Variants in CLTC observed in about 807,000 individuals in gnomAD.
CLTC encodes the protein clathrin heavy chain 1.
In CLTC, 16 loss-of-function variants were observed where a neutral mutation model predicts 195.8. The ratio of observed to expected loss-of-function variants is 0.08; its 90% CI spans 0.06 to 0.12. The LOEUF is 0.12. CLTC is among the 10% of genes least tolerant of loss of function. CLTC has a pLI of 1.00. For synonymous variants in CLTC, 667 were observed against 689.4 expected (o/e 0.97, Z 0.51); for missense variants, 796 against 2,027.0 (o/e 0.39, Z 11.66).
At chr17:59,668,673 A>G (rs909294831) in intron 13 of CLTC, 104 bp from the exon 14 acceptor site, 1 of 950,488 alleles carries the variant, frequency 1.1e-6, no homozygotes, top group South Asian at 2.0e-5. Flanking sequence ...CAACCAACTT[A>G]TATTTGGGAG....
intron 5 of CLTC, among the ~76,000 whole-genome samples, chr17:59,653,406 G>A (rs183625109): frequency 9.9e-5 from 15 of 151,836 alleles, no homozygotes; most frequent in Admixed American, 9.8e-4. Context: ...TGTTAGCCAG[G>A]ATGGTCTCGA....
chr17:59,640,551 C>T (rs1364405479), intron 1 of CLTC, among the ~76,000 whole-genome samples: 1 of 151,876 alleles, frequency 6.6e-6, no homozygotes, highest in Non-Finnish European at 1.5e-5. Context: ...CGTGTGCCAC[C>T]ATGGGCCCGG....
Position 59,655,854 on chromosome 17 carries a change from A to G in CLTC, c.796A>G (p.Ile266Val), listed in dbSNP as rs147849182. ...AQNDFPVAMQ[I>V]SEKHDVVFLI... is the part of the protein sequence containing the mutation. ...TAAAGTGTTGATTTTCTTTCTGTAG[A>G]TCAGTGAAAAGCATGATGTGGTGTT... The change falls in exon 6 of 32, where the codon ATC becomes GTC. Residue 266 changes from isoleucine to valine, a missense_variant and splice_region_variant. Physicochemically the swap from Ile to Val is conservative, Grantham distance 29. Around this residue, in one of 9 missense-constraint regions of CLTC, gnomAD observed 293 missense variants for 795.6 expected, o/e 0.37. Transcript: ENST00000269122. The G allele has an allele frequency of 2.6e-6, 4 of 1,551,606 alleles. No homozygotes were observed. The African/African-American group carries it at 5.6e-5, about 22-fold the overall frequency.
intron 16 of CLTC, among the ~76,000 whole-genome samples, chr17:59,675,112 T>C (rs1052510501): frequency 3.9e-5 from 6 of 152,188 alleles, no homozygotes; most frequent in Non-Finnish European, 8.8e-5. Flanking sequence ...ACTTTATATG[T>C]TTTTATATAA....
chr17:59,625,251 GGCGCGTGCTACCA>G (rs1211035620), intron 1 of CLTC, among the ~76,000 whole-genome samples: 1 of 151,862 alleles, frequency 6.6e-6, no homozygotes, highest in Admixed American at 6.6e-5. Flanking sequence ...TGGGACTACA[GGCGCGTGCTACCA>G]CGCCCAGCTA....
In CLTC at chr17:59,666,852, G is replaced by A. The variant is rs778448289; in HGVS notation, c.2003G>A (p.Arg668Lys). The A allele has an allele frequency of 1.9e-6, 3 of 1,613,902 alleles. No homozygotes were observed. The East Asian group carries it at 6.7e-5, about 36-fold the overall frequency. The change falls in exon 13 of 32, where the codon AGA (arginine) becomes AAA (lysine). Residue 668 changes from arginine to lysine, a missense_variant. Physicochemically the swap from Arg to Lys is conservative, Grantham distance 26. Coordinates refer to ENST00000269122, the MANE Select transcript of CLTC (RefSeq NM_004859.4). This position sits in a 1 kb window ranked among gnomAD's most constrained non-coding sequence, Gnocchi z 4.9. ...GTAGAAGACTCCCTAGAATGTCTCA[G>A]AGCCATGCTGTCTGCCAACATCCGT... Reference protein sequence around the residue: ...LSVEDSLECLRAMLSANIRQN... With the variant: ...LSVEDSLECLKAMLSANIRQN...
chr17:59,685,408 GAAA>G lies in CLTC; in HGVS notation c.4606-173_4606-171del, dbSNP rs35359110. 6.6e-6 allele frequency among the ~76,000 whole-genome samples: 1 copy of G among 151,442 alleles called. No individual in the cohort carries two copies. Among genetic ancestry groups the G allele is most frequent in the African/African-American group, 2.4e-5 (1 of 41,284 alleles). On this transcript the variant is annotated intron_variant, in intron 29 of 31. Transcript: ENST00000269122. The surrounding 1 kb of genome is among the most constrained non-coding windows in gnomAD (Gnocchi z 5.0). ...TATGTTAAGGTCAAACTTGTCTGGG[GAAA>G]AAAAAGCTTTTAGCTTATCTCTTCT... is the stretch of plus-strand genomic sequence containing the variant.
chr17:59,620,721 TG>T (rs2031347184), intron 1 of CLTC, among the ~76,000 whole-genome samples: 1 of 138,914 alleles, frequency 7.2e-6, no homozygotes, highest in Non-Finnish European at 1.6e-5. Context: ...TTGGGGGTGG[TG>T]GTGAGGCGGT....
intron 17 of CLTC, among the ~76,000 whole-genome samples, chr17:59,678,149 T>A (rs1260086310): frequency 6.6e-6 from 1 of 152,254 alleles, no homozygotes; most frequent in Admixed American, 6.5e-5. Context: ...ATTTAGATTA[T>A]ACATTTCCAC....
intron 14 of CLTC, 68 bp from the exon 15 acceptor site, chr17:59,673,579 A>T (rs768417853): frequency 1.6e-6 from 2 of 1,232,660 alleles, no homozygotes; most frequent in Non-Finnish European, 2.3e-6. Flanking sequence ...ACAAATTCTC[A>T]TATGTTACAC....
At chr17:59,663,120 T>C (rs1314625208) in intron 8 of CLTC, among the ~76,000 whole-genome samples, 1 of 152,218 alleles carries the variant, frequency 6.6e-6, no homozygotes, top group African/African-American at 2.4e-5. Context: ...ATACAACTTT[T>C]TATTTTTGGC....
chr17:59,677,267 G>C (rs1360217818), intron 17 of CLTC, 79 bp downstream of exon 17: 9 of 1,104,380 alleles, frequency 8.1e-6, no homozygotes, highest in Non-Finnish European at 1.1e-5. Context: ...GTAATTTTAG[G>C]TAATATGGGA....
At position 59,683,008 on chromosome 17, in the gene CLTC, C is replaced by T. The variant is rs1430198051; in HGVS notation, c.3867C>T (p.Tyr1289=). 6.2e-7 allele frequency: 1 copy of T among 1,613,860 alleles called. No homozygotes were observed. Among genetic ancestry groups the T allele is most frequent in the Non-Finnish European group, 8.5e-7 (1 of 1,179,772 alleles). The change falls in exon 24 of 32, where the codon TAC becomes TAT. Residue 1289 remains tyrosine (Y), a synonymous_variant. Transcript: ENST00000269122. This position sits in a 1 kb window ranked among gnomAD's most constrained non-coding sequence, Gnocchi z 6.1. ...HADELEELIN[Y]YQDRGYFEEL... ...ATGAATTAGAAGAACTTATCAACTA[C>T]TATCAGGTATTAACGAGACTTTTAT...
intron 1 of CLTC, among the ~76,000 whole-genome samples, chr17:59,629,114 T>TA (rs1163617958): frequency 6.6e-6 from 1 of 152,116 alleles, no homozygotes; most frequent in Non-Finnish European, 1.5e-5. Flanking sequence ...TAAAGATGAA[T>TA]AATAAGGGGG....
chr17:59,693,182 C>T (rs556835911), intron 31 of CLTC, among the ~76,000 whole-genome samples: 13 of 152,028 alleles, frequency 8.6e-5, no homozygotes, highest in African/African-American at 2.7e-4. Context: ...GCCTGGCCAA[C>T]GTGGCAAAAC....
At chr17:59,651,800 T>C (rs1252846244) in intron 5 of CLTC, among the ~76,000 whole-genome samples, 3 of 152,218 alleles carry the variant, frequency 2.0e-5, no homozygotes, top group Admixed American at 1.3e-4. Flanking sequence ...TTGCTGAAGG[T>C]TGAGGTGGCT....
chr17:59,637,440 T>G (rs1213871879), intron 1 of CLTC, among the ~76,000 whole-genome samples: 2 of 151,180 alleles, frequency 1.3e-5, no homozygotes, highest in African/African-American at 4.8e-5. Context: ...GAGACGGGGT[T>G]TCACTGTGTT....
chr17:59,652,737 G>C (rs893825155), intron 5 of CLTC, among the ~76,000 whole-genome samples: 1 of 152,206 alleles, frequency 6.6e-6, no homozygotes, highest in African/African-American at 2.4e-5. Flanking sequence ...AGGCAAAGTA[G>C]ATTTAGCATA....
Position 59,666,339 on chromosome 17 carries a change from C to G in CLTC, c.1782+99C>G. 6.7e-7 allele frequency: 1 copy of G among 1,493,634 alleles called. No homozygotes were observed. The highest frequency in any genetic ancestry group is 9.1e-7 in the Non-Finnish European group (1 of 1,094,174). The allele number at this position is 1,493,634 out of a possible 1,614,324, so 92.5% of individuals were successfully genotyped here. A position where few individuals can be genotyped will look rare whatever the true frequency, so the allele number is the denominator to read the frequency against. On this transcript the variant is annotated intron_variant, in intron 11 of 31. Coordinates refer to ENST00000269122, the MANE Select transcript of CLTC (RefSeq NM_004859.4). The surrounding 1 kb of genome is among the most constrained non-coding windows in gnomAD (Gnocchi z 4.9). ...ATGCAAAGCTACTGAGGGGCCTACTCCTTATTAAAGAAAATGTAGCTATTA... is the reference window on the plus strand; with the variant it reads ...ATGCAAAGCTACTGAGGGGCCTACTGCTTATTAAAGAAAATGTAGCTATTA...
Sources: allele counts gnomAD v4.1 joint callset (sites outside exome capture counted in the v4.1 genomes callset), GRCh38; gene constraint gnomAD v4.1.1; regional missense constraint gnomAD v4.1.1; non-coding constraint Gnocchi (gnomAD v3.1); transcripts MANE v1.5; gene names NCBI Gene and HGNC (gene_info 2026-07-23, HGNC 2026-07-21).